Variants in CSMD1 observed in about 807,000 individuals in gnomAD.
CSMD1 encodes CUB and sushi domain-containing protein 1.
Under a neutral mutation model 417.5 loss-of-function variants are expected in CSMD1, and 213 were observed. The ratio of observed to expected loss-of-function variants is 0.51; its 90% CI spans 0.46 to 0.57. CSMD1 has a LOEUF of 0.57. Among genes scored for constraint, CSMD1 ranks in the 20% least tolerant of loss-of-function variants. The pLI, the probability that CSMD1 is intolerant of heterozygous loss-of-function variation, is 0.00. For synonymous variants in CSMD1, 2,862 were observed against 1,736.8 expected (o/e 1.65, Z -16.11); for missense variants, 6,923 against 4,529.7 (o/e 1.53, Z -15.17).
intron 47 of CSMD1, among the ~76,000 whole-genome samples, chr8:3,096,304 A>G (rs894168592): frequency 1.3e-5 from 2 of 152,176 alleles, no homozygotes; most frequent in Non-Finnish European, 2.9e-5. Context: ...AAATCCCACA[A>G]TTCCCACCTA....
chr8:4,973,838 C>A (rs190589879), intron 1 of CSMD1, among the ~76,000 whole-genome samples: 1 of 152,114 alleles, frequency 6.6e-6, no homozygotes, highest in East Asian at 1.9e-4. Context: ...ATAGGAAAAC[C>A]CATTATTCCT....
intron 1 of CSMD1, among the ~76,000 whole-genome samples, chr8:4,954,085 T>C (rs916682400): frequency 6.6e-6 from 1 of 152,226 alleles, no homozygotes; most frequent in African/African-American, 2.4e-5. Context: ...TTCTTCCATG[T>C]ATCCTACCTG....
chr8:3,802,557 C>A (rs1238578586), intron 5 of CSMD1, among the ~76,000 whole-genome samples: 3 of 152,114 alleles, frequency 2.0e-5, no homozygotes, highest in African/African-American at 7.2e-5. Flanking sequence ...TTGCCACCTA[C>A]TTAGTTAAGG....
chr8:4,260,495 G>T (rs1803801791), intron 3 of CSMD1, among the ~76,000 whole-genome samples: 1 of 152,110 alleles, frequency 6.6e-6, no homozygotes, highest in South Asian at 2.1e-4. Flanking sequence ...TAAATACAAG[G>T]CAAACAATGT....
intron 10 of CSMD1, among the ~76,000 whole-genome samples, chr8:3,572,625 A>T: frequency 6.6e-6 from 1 of 152,206 alleles, no homozygotes; most frequent in Admixed American, 6.5e-5. Context: ...TTTAAAAGAA[A>T]TTCAAGAAGA....
At chr8:4,835,156 C>A (rs1449731586) in intron 1 of CSMD1, among the ~76,000 whole-genome samples, 1 of 151,528 alleles carries the variant, frequency 6.6e-6, no homozygotes, top group East Asian at 1.9e-4. Flanking sequence ...GCAAGATGGA[C>A]CCGAGAAGGT....
At chr8:3,140,104 A>G (rs932658309) in intron 41 of CSMD1, among the ~76,000 whole-genome samples, 1 of 152,080 alleles carries the variant, frequency 6.6e-6, no homozygotes, top group Admixed American at 6.6e-5. Flanking sequence ...TGGTTTCACC[A>G]TATCGGCCAG....
intron 1 of CSMD1, among the ~76,000 whole-genome samples, chr8:4,651,733 A>G (rs1478261): frequency 0.31 from 47,752 of 151,988 alleles, 7,877 homozygotes; most frequent in Middle Eastern, 0.43. Context: ...ACACGTCTTT[A>G]GATTTAAACA....
At chr8:3,708,323 G>T (rs146280854) in intron 7 of CSMD1, 91 bp downstream of exon 7, 1 of 965,114 alleles carries the variant, frequency 1.0e-6, no homozygotes, top group Non-Finnish European at 1.6e-6. Context: ...ACGTGGGGAA[G>T]GTGGTGGGTG....
chr8:3,806,675 C>G (rs1800760653), intron 5 of CSMD1, among the ~76,000 whole-genome samples: 1 of 152,190 alleles, frequency 6.6e-6, no homozygotes, highest in African/African-American at 2.4e-5. Flanking sequence ...CTTGAATAAT[C>G]TTATCAAATC....
chr8:3,659,651 A>G (rs1177119296), intron 7 of CSMD1, among the ~76,000 whole-genome samples: 1 of 152,192 alleles, frequency 6.6e-6, no homozygotes, highest in African/African-American at 2.4e-5. Flanking sequence ...GGCAAAGCAG[A>G]TAACAAGAAA....
intron 3 of CSMD1, among the ~76,000 whole-genome samples, chr8:4,233,824 T>C (rs1311654686): frequency 2.6e-5 from 4 of 152,084 alleles, no homozygotes; most frequent in Non-Finnish European, 5.9e-5. Context: ...TTCATTTGAG[T>C]TGGTTAATTA....
chr8:3,938,250 T>TA lies in CSMD1; in HGVS notation c.818+59652dup, dbSNP rs200978265. On this transcript the variant is annotated intron_variant, in intron 5 of 69. Transcript: ENST00000635120. The stretch of plus-strand genomic sequence containing the variant: ...GCCATGTGTAAAATGCTTTACTGTT[T>TA]AAAAAAAATTAAATCTACAGAGCAC... 8.7e-3 allele frequency among the ~76,000 whole-genome samples: 1,330 copies of TA among 152,150 alleles called. 19 individuals carry two copies. The highest frequency in any genetic ancestry group is 0.03 in the African/African-American group (1,237 of 41,530).
At chr8:3,196,650 T>C (rs73660605) in intron 33 of CSMD1, among the ~76,000 whole-genome samples, 3,296 of 152,256 alleles carry the variant, frequency 0.022, 111 homozygotes, top group African/African-American at 0.075. Flanking sequence ...AAGTGGTTGC[T>C]GATTCAGAGG....
chr8:3,688,786 G>A (rs1487588346), intron 7 of CSMD1, among the ~76,000 whole-genome samples: 2 of 152,008 alleles, frequency 1.3e-5, no homozygotes, highest in East Asian at 3.9e-4. Context: ...ACATGCTAGA[G>A]TATACTGTAA....
chr8:4,164,416 C>T (rs1305666629), intron 3 of CSMD1, among the ~76,000 whole-genome samples: 3 of 152,072 alleles, frequency 2.0e-5, no homozygotes, highest in Non-Finnish European at 2.9e-5. Context: ...TGCTAATATC[C>T]TTGAGGGTTG....
intron 3 of CSMD1, among the ~76,000 whole-genome samples, chr8:4,178,041 A>T (rs1361769494): frequency 6.6e-6 from 1 of 152,178 alleles, no homozygotes; most frequent in Admixed American, 6.5e-5. Context: ...AACTATTCCA[A>T]TAAATAGAAA....
At chr8:4,033,241 C>A (rs990634721) in intron 3 of CSMD1, among the ~76,000 whole-genome samples, 1 of 150,938 alleles carries the variant, frequency 6.6e-6, no homozygotes, top group African/African-American at 2.4e-5. Context: ...GAGATCGAGA[C>A]CATCCTGGCT....
At chr8:4,472,427 T>A (rs1800588656) in intron 2 of CSMD1, among the ~76,000 whole-genome samples, 1 of 152,152 alleles carries the variant, frequency 6.6e-6, no homozygotes, top group African/African-American at 2.4e-5. Context: ...TAAAGGTATA[T>A]GTCATTTATA....
Sources: allele counts gnomAD v4.1 joint callset (sites outside exome capture counted in the v4.1 genomes callset), GRCh38; gene constraint gnomAD v4.1.1; transcripts MANE v1.5; gene names NCBI Gene and HGNC (gene_info 2026-07-23, HGNC 2026-07-21).